MACROD2: variants seen among roughly 807,000 people sequenced by gnomAD.
MACROD2 encodes mono-ADP ribosylhydrolase 2.
A neutral mutation model predicts 70.4 loss-of-function variants in MACROD2; 36 were observed. The ratio of observed to expected loss-of-function variants is 0.51; its 90% CI spans 0.39 to 0.68. The LOEUF (loss-of-function observed/expected upper bound fraction) is 0.68, where lower values mean the gene tolerates loss of function less well. Ranked by LOEUF, MACROD2 falls within the 30% of genes least tolerant of loss-of-function variation. The pLI, the probability that MACROD2 is intolerant of heterozygous loss-of-function variation, is 0.00. For synonymous variants in MACROD2, 172 were observed against 178.8 expected, an observed-to-expected ratio of 0.96 and a Z score of 0.30; for missense variants, 496 against 538.4, an observed-to-expected ratio of 0.92 and a Z score of 0.78.
At chr20:14,226,889 C>T (rs186591769) in intron 3 of MACROD2, among the ~76,000 whole-genome samples, 1,922 of 152,358 alleles carry the variant, frequency 0.013, 22 homozygotes, top group Middle Eastern at 0.051. Flanking sequence ...CTGAGGAGTG[C>T]GGGCGCACAG....
intron 8 of MACROD2, among the ~76,000 whole-genome samples, chr20:15,555,786 G>A (rs201103551): frequency 1.7e-4 from 21 of 125,850 alleles, no homozygotes; most frequent in East Asian, 7.3e-4. Context: ...CCAAGATTGC[G>A]CCACTGCACT....
At chr20:15,954,607 C>T (rs1039086982) in intron 12 of MACROD2, among the ~76,000 whole-genome samples, 11 of 152,076 alleles carry the variant, frequency 7.2e-5, no homozygotes, top group Admixed American at 4.6e-4. Context: ...ACAGAGGTAC[C>T]AATTAAAATT....
chr20:14,777,569 G>T (rs2072249617), intron 5 of MACROD2, among the ~76,000 whole-genome samples: 1 of 151,960 alleles, frequency 6.6e-6, no homozygotes, highest in Non-Finnish European at 1.5e-5. Flanking sequence ...TTTGAAAGCA[G>T]CCCGATTCAT....
chr20:14,165,764 A>T (rs1475963881), intron 3 of MACROD2, among the ~76,000 whole-genome samples: 1 of 152,236 alleles, frequency 6.6e-6, no homozygotes, highest in Admixed American at 6.5e-5. Flanking sequence ...TTTAGTGAAT[A>T]AAAGAGTAAA....
chr20:15,299,153 G>A (rs1210190178), intron 6 of MACROD2, among the ~76,000 whole-genome samples: 1 of 152,116 alleles, frequency 6.6e-6, no homozygotes, highest in Non-Finnish European at 1.5e-5. Context: ...CTGAAGAAAA[G>A]GCAGGTAAAT....
chr20:14,219,758 T>A (rs942894983), intron 3 of MACROD2, among the ~76,000 whole-genome samples: 1 of 152,206 alleles, frequency 6.6e-6, no homozygotes, highest in African/African-American at 2.4e-5. Context: ...CCTGTGGATG[T>A]GGCTTCATGT....
chr20:15,052,629 C>T (rs1421394539), intron 5 of MACROD2, among the ~76,000 whole-genome samples: 1 of 152,164 alleles, frequency 6.6e-6, no homozygotes, highest in African/African-American at 2.4e-5. Context: ...CCTGTCATTC[C>T]CCTGTCTGTC....
At chr20:15,093,387 A>G (rs2075806250) in intron 5 of MACROD2, among the ~76,000 whole-genome samples, 1 of 152,012 alleles carries the variant, frequency 6.6e-6, no homozygotes, top group Admixed American at 6.6e-5. Flanking sequence ...CTTTTGTGAT[A>G]TCTTGCACTT....
rs76480361 is a variant in MACROD2, at chr20:14,656,307, T to C, written c.302-28536T>C. Reference sequence around the variant, plus strand: ...ACTGAGTACAGAGAGTTGGGTTGACTAAGAAATTCATATAGCCAATTGGCG... The same window carrying C: ...ACTGAGTACAGAGAGTTGGGTTGACCAAGAAATTCATATAGCCAATTGGCG... On this transcript the variant is annotated intron_variant, in intron 4 of 17. Transcript: ENST00000684519. Among the ~76,000 whole-genome samples, 808 of 152,302 alleles carry C rather than the reference T, an allele frequency of 5.3e-3. 15 individuals are homozygous for C. The highest frequency in any genetic ancestry group is 0.018 in the African/African-American group (767 of 41,566).
intron 4 of MACROD2, among the ~76,000 whole-genome samples, chr20:14,586,050 G>A (rs1048241251): frequency 1.3e-5 from 2 of 152,232 alleles, no homozygotes; most frequent in Admixed American, 1.3e-4. Flanking sequence ...GGCCTTGTTT[G>A]TGCTTATTTT....
At chr20:14,720,022 C>T (rs909496157) in intron 5 of MACROD2, among the ~76,000 whole-genome samples, 4 of 152,156 alleles carry the variant, frequency 2.6e-5, no homozygotes, top group Admixed American at 2.6e-4. Flanking sequence ...CTTATATGGT[C>T]TGCTTTGTAG....
rs762538763 is a variant in MACROD2 at position 15,254,929 on chromosome 20, CTTTTTT to C, written c.540+24888_540+24893del. On this transcript the variant is annotated intron_variant, in intron 6 of 17. Transcript: ENST00000684519. Reference sequence around the variant, plus strand: ...TAAACCATTTGGGGCCAAAGCACACCTTTTTTTTTTTTTTTTTTTTTTTTTCAGTTA... The same window carrying C: ...TAAACCATTTGGGGCCAAAGCACACCTTTTTTTTTTTTTTTTTTTCAGTTA... Among the ~76,000 whole-genome samples the C allele has an allele frequency of 6.4e-3, 515 of 80,520 alleles. 4 individuals carry two copies. Among genetic ancestry groups the C allele is most frequent in the South Asian group, 0.04 (90 of 2,232 alleles). 52.8% of individuals were successfully genotyped at this position (80,520 alleles called of 152,430 possible).
intron 8 of MACROD2, among the ~76,000 whole-genome samples, chr20:15,547,646 C>G (rs2048042390): frequency 6.6e-6 from 1 of 152,162 alleles, no homozygotes; most frequent in Non-Finnish European, 1.5e-5. Context: ...GTAATGTGAT[C>G]GCAAATTTGT....
At position 15,856,561 on chromosome 20, in the gene MACROD2, AT is replaced by A. The variant is rs554273565; in HGVS notation, c.646-6180del. 1.9e-4 allele frequency among the ~76,000 whole-genome samples: 29 copies of A among 152,272 alleles called. No homozygotes were observed. In the East Asian group the frequency reaches 4.1e-3, roughly 21 times the overall value. ...TGAAAACTATCTGCCACATACCTAC[AT>A]TTTAGTCAAATCTGTTTGTCTAAAC... On this transcript the variant is annotated intron_variant, in intron 8 of 17. Coordinates refer to ENST00000684519, the MANE Select transcript of MACROD2 (RefSeq NM_001351661.2).
At chr20:15,814,016 T>C (rs983597307) in intron 8 of MACROD2, among the ~76,000 whole-genome samples, 10 of 152,136 alleles carry the variant, frequency 6.6e-5, no homozygotes, top group Non-Finnish European at 2.9e-5. Flanking sequence ...AAAATAACAA[T>C]TAGAAAAGAG....
chr20:15,504,798 A>G (rs1167937938), intron 8 of MACROD2, among the ~76,000 whole-genome samples: 2 of 152,234 alleles, frequency 1.3e-5, no homozygotes, highest in Admixed American at 1.3e-4. Flanking sequence ...TAGTAACTTT[A>G]TTACAGAAAT....
At chr20:15,395,458 G>A (rs547601250) in intron 6 of MACROD2, among the ~76,000 whole-genome samples, 1 of 152,088 alleles carries the variant, frequency 6.6e-6, no homozygotes, top group African/African-American at 2.4e-5. Context: ...ATTAACACAA[G>A]GGTTGGCAGG....
At chr20:14,797,895 G>A (rs989254762) in intron 5 of MACROD2, among the ~76,000 whole-genome samples, 8 of 152,018 alleles carry the variant, frequency 5.3e-5, no homozygotes, top group South Asian at 2.1e-4. Flanking sequence ...GAATGGTGTC[G>A]AGAGGACTGC....
At chr20:15,130,672 G>A (rs2076098585) in intron 5 of MACROD2, among the ~76,000 whole-genome samples, 1 of 152,086 alleles carries the variant, frequency 6.6e-6, no homozygotes, top group Non-Finnish European at 1.5e-5. Context: ...GGTTGTAATT[G>A]ATCAGTAAAC....
Sources: allele counts gnomAD v4.1 joint callset (sites outside exome capture counted in the v4.1 genomes callset), GRCh38; gene constraint gnomAD v4.1.1; transcripts MANE v1.5; gene names NCBI Gene and HGNC (gene_info 2026-07-23, HGNC 2026-07-21).